CFHR4: variants seen among roughly 807,000 people sequenced by gnomAD.
CFHR4 encodes complement factor H-related protein 4.
In CFHR4, 64 loss-of-function variants were observed where a neutral mutation model predicts 69.3. The observed-to-expected ratio is 0.92, with a 90% CI of 0.76 to 1.14. CFHR4 has a LOEUF of 1.14. Ranked by LOEUF, CFHR4 falls within the 50% of genes most tolerant of loss-of-function variation. The probability of loss-of-function intolerance (pLI) is 0.00; values close to 1 mark genes in which losing one functional copy is unlikely to be tolerated. For synonymous variants in CFHR4, 244 were observed against 237.0 expected, an observed-to-expected ratio of 1.03 and a Z score of -0.27; for missense variants, 636 against 684.9, an observed-to-expected ratio of 0.93 and a Z score of 0.80.
intron 7 of CFHR4, 25 bp from the exon 8 acceptor site, chr1:196,914,470 A>G (rs1658461194): frequency 6.3e-7 from 1 of 1,597,512 alleles, no homozygotes; most frequent in Non-Finnish European, 8.5e-7. Context: ...ATAGAAAAGC[A>G]ATCCTCAATT....
intron 1 of CFHR4, among the ~76,000 whole-genome samples, chr1:196,890,635 T>G (rs1656974120): frequency 6.6e-6 from 1 of 151,530 alleles, no homozygotes; most frequent in Non-Finnish European, 1.5e-5. Context: ...CAATTAGTAT[T>G]TTAGAGCAGG....
chr1:196,891,976 G>T (rs1436436189), intron 1 of CFHR4, among the ~76,000 whole-genome samples: 1 of 151,366 alleles, frequency 6.6e-6, no homozygotes, highest in African/African-American at 2.4e-5. Context: ...TATTTCTGGA[G>T]ATAATTTGCT....
chr1:196,902,049 T>G (rs538306759), intron 1 of CFHR4, among the ~76,000 whole-genome samples: 1 of 151,394 alleles, frequency 6.6e-6, no homozygotes, highest in Non-Finnish European at 1.5e-5. Flanking sequence ...CACTCTAGAG[T>G]TGGTCTGAGA....
At chr1:196,915,458 A>T (rs552399848) in intron 9 of CFHR4, among the ~76,000 whole-genome samples, 2 of 151,320 alleles carry the variant, frequency 1.3e-5, no homozygotes, top group Non-Finnish European at 2.9e-5. Flanking sequence ...CAACATGGTG[A>T]ACCCTGTCTC....
Position 196,910,332 on chromosome 1 carries a change from A to G in CFHR4, c.851A>G (p.Glu284Gly). The G allele has an allele frequency of 6.2e-7, 1 of 1,610,640 alleles. No homozygotes were observed. Among genetic ancestry groups the G allele is most frequent in the East Asian group, 2.2e-5 (1 of 44,794 alleles). Residue 284 changes from glutamate to glycine, a missense_variant, in exon 6 of 10, where the codon GAG (glutamate) becomes GGG (glycine). Physicochemically the swap from Glu to Gly is moderately conservative, Grantham distance 98. Coordinates refer to ENST00000608469, the MANE Select transcript of CFHR4 (RefSeq NM_001201550.3). The stretch of plus-strand genomic sequence containing the variant: ...ATTCAACATGGACATCTATATTATG[A>G]GAATACGCGTAGACCATACTTTCCA... ...PEIQHGHLYYENTRRPYFPVA... is the reference protein window; with the variant it reads ...PEIQHGHLYYGNTRRPYFPVA...
intron 2 of CFHR4, among the ~76,000 whole-genome samples, 159 bp from the exon 3 acceptor site, chr1:196,904,949 C>A (rs561924166): frequency 6.6e-6 from 1 of 151,640 alleles, no homozygotes; most frequent in Admixed American, 6.6e-5. Context: ...TATTTTCTTT[C>A]AAAATTCACA....
chr1:196,912,846 T>A lies in CFHR4; in HGVS notation c.1104T>A (p.Tyr368Ter). ...TACAATATAAATGTAAACCAGGATA[T>A]GCAACAGCAGATGGAAATTCTTCAG... is the stretch of plus-strand genomic sequence containing the variant. ...KEIQYKCKPG[Y>*]ATADGNSSGS... The change falls in exon 7 of 10, where the codon TAT (tyrosine) becomes TAA (stop). Residue 368 changes from tyrosine (Y) to a stop codon, truncating the protein, a stop_gained. Coordinates refer to ENST00000608469, the MANE Select transcript of CFHR4 (RefSeq NM_001201550.3). LOFTEE classifies it high-confidence loss of function. The A allele has an allele frequency of 6.2e-7, 1 of 1,611,278 alleles. No individual in the cohort carries two copies. Among genetic ancestry groups the A allele is most frequent in the Non-Finnish European group, 8.5e-7 (1 of 1,178,782 alleles).
chr1:196,913,395 C>T (rs180874512), intron 7 of CFHR4, among the ~76,000 whole-genome samples: 1 of 151,446 alleles, frequency 6.6e-6, no homozygotes, highest in African/African-American at 2.4e-5. Flanking sequence ...ATCAATGATG[C>T]TACTGAGGAT....
intron 1 of CFHR4, among the ~76,000 whole-genome samples, chr1:196,890,174 G>A (rs547895036): frequency 6.6e-6 from 1 of 151,574 alleles, no homozygotes; most frequent in African/African-American, 2.4e-5. Context: ...ATCAGAATTT[G>A]ATAATTATAT....
rs553967027 is a variant in CFHR4, at chr1:196,908,411, T to G, written c.799+913T>G. 1.5e-4 allele frequency among the ~76,000 whole-genome samples: 22 copies of G among 151,590 alleles called. No individual in the cohort carries two copies. In the South Asian group the frequency reaches 2.1e-3, roughly 14 times the overall value. ...GAGAAGTTCTTTCTCTGATTATTGT[T>G]TTTTTCTTACACTTTACCAGTATTT... is the stretch of plus-strand genomic sequence containing the variant. On this transcript the variant is annotated intron_variant, in intron 5 of 9. Coordinates refer to ENST00000608469, the MANE Select transcript of CFHR4 (RefSeq NM_001201550.3).
At position 196,890,185 on chromosome 1, in the gene CFHR4, C is replaced by A. The variant is rs887189852; in HGVS notation, c.58+1977C>A. Among the ~76,000 whole-genome samples the A allele has an allele frequency of 7.9e-4, 119 of 151,576 alleles. 2 individuals are homozygous for A. Among genetic ancestry groups the A allele is most frequent in the African/African-American group, 2.7e-3 (113 of 41,190 alleles). Reference sequence around the variant, plus strand: ...ATTTATCAGAATTTGATAATTATATCTTGGCTGTATTGTCTTCGCTGAGTT... The same window carrying A: ...ATTTATCAGAATTTGATAATTATATATTGGCTGTATTGTCTTCGCTGAGTT... On this transcript the variant is annotated intron_variant, in intron 1 of 9. Coordinates refer to ENST00000608469, the MANE Select transcript of CFHR4 (RefSeq NM_001201550.3).
At chr1:196,918,176 T>G (rs1658765404) in intron 9 of CFHR4, 34 bp from the exon 10 acceptor site, 1 of 1,588,022 alleles carries the variant, frequency 6.3e-7, no homozygotes, top group African/African-American at 1.4e-5. Flanking sequence ...AAGGCAAGAT[T>G]ATGATTGTTA....
chr1:196,917,496 A>C (rs1658714089), intron 9 of CFHR4, among the ~76,000 whole-genome samples: 1 of 151,688 alleles, frequency 6.6e-6, no homozygotes, highest in African/African-American at 2.4e-5. Flanking sequence ...TATCTTACTG[A>C]TTTTACAGAT....
In CFHR4 at chr1:196,906,843, A is replaced by T. The variant is rs1657931476; in HGVS notation, c.440-18A>T. 6.3e-7 allele frequency: 1 copy of T among 1,595,276 alleles called. No homozygotes were observed. ...CATATGGCATAGAAAAGCAATCCTC[A>T]ATTTTATTTTGTTTCAGAATTTTGT... On this transcript the variant is annotated intron_variant, in intron 3 of 9. Transcript: ENST00000608469.
At position 196,902,461 on chromosome 1, in the gene CFHR4, A is replaced by G. The variant is rs1657668872; in HGVS notation, c.102A>G (p.Leu34=). ...TTCCAGAAATTCAACATGGAGGTCTATATTATAAGAGTTTGCGTAGACTAT... is the reference window on the plus strand; with the variant it reads ...TTCCAGAAATTCAACATGGAGGTCTGTATTATAAGAGTTTGCGTAGACTAT... ...CDFPEIQHGG[L]YYKSLRRLYF... The change falls in exon 2 of 10, where the codon CTA becomes CTG. Residue 34 remains leucine (L), a synonymous_variant. Transcript: ENST00000608469. 6.2e-7 allele frequency: 1 copy of G among 1,611,908 alleles called. No homozygotes were observed. Among genetic ancestry groups the G allele is most frequent in the Non-Finnish European group, 8.5e-7 (1 of 1,178,890 alleles).
intron 3 of CFHR4, among the ~76,000 whole-genome samples, chr1:196,906,652 T>G (rs1657920393): frequency 6.6e-6 from 1 of 151,418 alleles, no homozygotes; most frequent in African/African-American, 2.4e-5. Flanking sequence ...GTTTGAATAA[T>G]GAGAAGGATC....
intron 1 of CFHR4, among the ~76,000 whole-genome samples, chr1:196,897,628 G>A (rs1482705999): frequency 6.6e-6 from 1 of 151,288 alleles, no homozygotes; most frequent in Non-Finnish European, 1.5e-5. Context: ...GCCACCCAGC[G>A]GCCAGATTTT....
intron 2 of CFHR4, 94 bp downstream of exon 2, chr1:196,902,709 T>C: frequency 5.3e-6 from 5 of 946,108 alleles, no homozygotes; most frequent in Non-Finnish European, 8.0e-6. Flanking sequence ...ATAACAGAAA[T>C]AGGACCAAAG....
In CFHR4 at chr1:196,907,355, A is replaced by G; in HGVS notation, c.656A>G (p.Asn219Ser). Residue 219 changes from asparagine (N) to serine (S), a missense_variant, in exon 5 of 10, where the codon AAT (asparagine) becomes AGT (serine). This residue lies in a region of CFHR4 where 529 missense variants were observed against 533.2 expected (regional missense o/e 0.99). Coordinates refer to ENST00000608469, the MANE Select transcript of CFHR4 (RefSeq NM_001201550.3). The stretch of plus-strand genomic sequence containing the variant: ...TGTGGGCCTCCTCCACCTATTAGCA[A>G]TGGAGATACCACGTCCTTCCCGCAA... The part of the protein sequence containing the change: ...ENCGPPPPIS[N>S]GDTTSFPQKV... 1.2e-6 allele frequency: 2 copies of G among 1,611,912 alleles called. No individual in the cohort carries two copies. The highest frequency in any genetic ancestry group is 1.7e-6 in the Non-Finnish European group (2 of 1,179,034).
Sources: gnomAD v4.1 joint callset for allele counts (sites outside exome capture counted in the v4.1 genomes callset) on GRCh38, gnomAD v4.1.1 for gene constraint, gnomAD v4.1.1 regional missense constraint, MANE v1.5 for transcripts, NCBI Gene and HGNC (gene_info 2026-07-23, HGNC 2026-07-21) for gene names.